Variants in MAP2K5 observed in about 807,000 individuals in gnomAD.
The protein encoded by MAP2K5 is mitogen-activated protein kinase kinase 5.
In MAP2K5, 49 loss-of-function variants were observed where a neutral mutation model predicts 83.1. That is an observed-to-expected ratio of 0.59 (90% CI 0.47 to 0.75). The LOEUF (loss-of-function observed/expected upper bound fraction) is 0.75, where lower values mean the gene tolerates loss of function less well. MAP2K5 is among the 30% of genes least tolerant of loss of function. The pLI is 0.00. For synonymous variants in MAP2K5, 202 were observed against 191.8 expected (o/e 1.05, Z -0.44); for missense variants, 457 against 557.5 (o/e 0.82, Z 1.82).
At chr15:67,739,242 T>C (rs1002332904) in intron 17 of MAP2K5, among the ~76,000 whole-genome samples, 7 of 144,974 alleles carry the variant, frequency 4.8e-5, no homozygotes, top group African/African-American at 1.8e-4. Flanking sequence ...ATCGTGCCAC[T>C]GCATTCCAGC....
intron 19 of MAP2K5, among the ~76,000 whole-genome samples, chr15:67,756,549 G>A (rs1325567869): frequency 1.4e-5 from 1 of 73,660 alleles, no homozygotes; most frequent in Non-Finnish European, 2.9e-5. Flanking sequence ...GTGTGTGTGT[G>A]TGTGTGTGTG....
At chr15:67,628,812 AT>A in intron 8 of MAP2K5, 1 of 750,434 alleles carries the variant, frequency 1.3e-6, no homozygotes, top group Non-Finnish European at 2.4e-6. Flanking sequence ...GGGAATGACA[AT>A]TTTGGTCATG....
At position 67,563,414 on chromosome 15, in the gene MAP2K5, T is replaced by C; in HGVS notation, c.252+64T>C. On this transcript the variant is annotated intron_variant, in intron 3 of 21. Coordinates refer to ENST00000178640, the MANE Select transcript of MAP2K5 (RefSeq NM_145160.3). This position sits in a 1 kb window ranked among gnomAD's most constrained non-coding sequence, Gnocchi z 4.5. ...TAACGTGATTGAGGATGCTGTTTCT[T>C]GGGCATAGTGAAGACGAGTAAATAA... The C allele has an allele frequency of 1.9e-6, 3 of 1,558,274 alleles. No homozygotes were observed. Among genetic ancestry groups the C allele is most frequent in the Non-Finnish European group, 2.6e-6 (3 of 1,153,208 alleles).
At position 67,646,489 on chromosome 15, in the gene MAP2K5, A is replaced by G; in HGVS notation, c.736+20A>G. On this transcript the variant is annotated intron_variant, in intron 11 of 21. Transcript: ENST00000178640. ...TGGATGGTGAGTTTTCCCTTTTATAATACTTTTAAAATGATTTTTAGAGTA... is the reference window on the plus strand; with the variant it reads ...TGGATGGTGAGTTTTCCCTTTTATAGTACTTTTAAAATGATTTTTAGAGTA... The G allele has an allele frequency of 2.8e-6, 4 of 1,413,880 alleles. No individual in the cohort carries two copies. The highest frequency in any genetic ancestry group is 3.9e-6 in the Non-Finnish European group (4 of 1,016,016). The allele number at this position is 1,413,880 out of a possible 1,614,324, so 87.6% of individuals were successfully genotyped here.
chr15:67,724,634 T>C lies in MAP2K5; in HGVS notation c.1045-3282T>C, dbSNP rs532916514. On this transcript the variant is annotated intron_variant, in intron 16 of 21. Transcript: ENST00000178640. This position sits in a 1 kb window ranked among gnomAD's most constrained non-coding sequence, Gnocchi z 4.4. ...CATTTTCTTTTTTACCTCCTCCCAA[T>C]AGAACTTGATAAAAAGAGTTCTAGA... 6.6e-6 allele frequency among the ~76,000 whole-genome samples: 1 copy of C among 152,312 alleles called. No homozygotes were observed. The highest frequency in any genetic ancestry group is 6.5e-5 in the Admixed American group (1 of 15,292).
Position 67,782,637 on chromosome 15 carries a change from T to A in MAP2K5, c.1242+9885T>A, listed in dbSNP as rs1313802776. Among the ~76,000 whole-genome samples, 1 of 152,244 alleles carries A rather than the reference T, an allele frequency of 6.6e-6. No individual in the cohort carries two copies. Among genetic ancestry groups the A allele is most frequent in the East Asian group, 1.9e-4 (1 of 5,202 alleles). ...ACGGGCTTGACAGGAATTTAAATTT[T>A]GTTTCAATCAACCCCTGTGCTCACA... On this transcript the variant is annotated intron_variant, in intron 21 of 21. Coordinates refer to ENST00000178640, the MANE Select transcript of MAP2K5 (RefSeq NM_145160.3). This position sits in a 1 kb window ranked among gnomAD's most constrained non-coding sequence, Gnocchi z 4.9.
intron 15 of MAP2K5, 110 bp from the exon 16 acceptor site, chr15:67,703,227 A>G (rs1181767675): frequency 1.8e-5 from 13 of 736,578 alleles, no homozygotes; most frequent in Non-Finnish European, 2.6e-5. Flanking sequence ...TCATCCGTAA[A>G]ATACTATGCA....
chr15:67,679,509 T>C (rs1219660096), intron 13 of MAP2K5, among the ~76,000 whole-genome samples: 1 of 152,184 alleles, frequency 6.6e-6, no homozygotes, highest in East Asian at 1.9e-4. Flanking sequence ...TTTATAGACA[T>C]AGCCTTACTC....
At chr15:67,549,831 C>T (rs535946839) in intron 1 of MAP2K5, among the ~76,000 whole-genome samples, 150 of 152,224 alleles carry the variant, frequency 9.9e-4, no homozygotes, top group African/African-American at 3.6e-3. Flanking sequence ...GAAAAGTTTC[C>T]TTAAATATTT....
rs2089639528 is a variant in MAP2K5, at chr15:67,747,959, A to C, written c.1075-272A>C. 6.6e-6 allele frequency among the ~76,000 whole-genome samples: 1 copy of C among 152,254 alleles called. No homozygotes were observed. The highest frequency in any genetic ancestry group is 6.5e-5 in the Admixed American group (1 of 15,280). ...AACATTATTTATATCTGAATCGTAA[A>C]CAGCCTTTTGAAATGGATTATGGTT... On this transcript the variant is annotated intron_variant, in intron 17 of 21. Coordinates refer to ENST00000178640, the MANE Select transcript of MAP2K5 (RefSeq NM_145160.3). This position sits in a 1 kb window ranked among gnomAD's most constrained non-coding sequence, Gnocchi z 4.1.
chr15:67,756,721 T>C (rs1270574128), intron 19 of MAP2K5, among the ~76,000 whole-genome samples: 1 of 152,178 alleles, frequency 6.6e-6, no homozygotes, highest in Non-Finnish European at 1.5e-5. Context: ...TGGTAACTAC[T>C]CTTCTACTTT....
At chr15:67,569,031 A>C (rs888198070) in intron 3 of MAP2K5, among the ~76,000 whole-genome samples, 25 of 151,500 alleles carry the variant, frequency 1.7e-4, no homozygotes, top group Non-Finnish European at 2.4e-4. Flanking sequence ...AAAAAAAAAA[A>C]ACAAAACTCT....
In MAP2K5 at chr15:67,555,978, G is replaced by T. The variant is rs918463663; in HGVS notation, c.184+5896G>T. ...TTTTTGTATTTTTAGTAGATACGGG[G>T]TTTCACCATGTTGACCAGACTGGTC... is the stretch of plus-strand genomic sequence containing the variant. On this transcript the variant is annotated intron_variant, in intron 2 of 21. Coordinates refer to ENST00000178640, the MANE Select transcript of MAP2K5 (RefSeq NM_145160.3). This position sits in a 1 kb window ranked among gnomAD's most constrained non-coding sequence, Gnocchi z 5.2. Among the ~76,000 whole-genome samples, 11 of 152,046 alleles carry T rather than the reference G, an allele frequency of 7.2e-5. No homozygotes were observed. The highest frequency in any genetic ancestry group is 2.7e-4 in the African/African-American group (11 of 41,470).
In MAP2K5 at chr15:67,786,153, G is replaced by T. The variant is rs1038192398; in HGVS notation, c.1242+13401G>T. On this transcript the variant is annotated intron_variant, in intron 21 of 21. Transcript: ENST00000178640. The surrounding 1 kb of genome is among the most constrained non-coding windows in gnomAD (Gnocchi z 4.7). ...TTTCTCATCTGTCTGATGTTCCTGG[G>T]TATTTCCAGCTTGTTGCCTCTTGGA... 6.6e-6 allele frequency among the ~76,000 whole-genome samples: 1 copy of T among 152,100 alleles called. No individual in the cohort carries two copies. Among genetic ancestry groups the T allele is most frequent in the Non-Finnish European group, 1.5e-5 (1 of 68,018 alleles).
rs144202706 is a variant in MAP2K5 at position 67,651,718 on chromosome 15, A to C, written c.736+5249A>C. On this transcript the variant is annotated intron_variant, in intron 11 of 21. Transcript: ENST00000178640. Reference sequence around the variant, plus strand: ...TCTTTTTATGGCTGAATAATATTTCATTGTGTTTATGTACCACATTTTCTT... The same window carrying C: ...TCTTTTTATGGCTGAATAATATTTCCTTGTGTTTATGTACCACATTTTCTT... Among the ~76,000 whole-genome samples, 374 of 152,280 alleles carry C rather than the reference A, an allele frequency of 2.5e-3. 1 individual carries two copies. The highest frequency in any genetic ancestry group is 4.6e-3 in the Non-Finnish European group (316 of 68,010).
At chr15:67,581,202 G>A (rs964361331) in intron 4 of MAP2K5, among the ~76,000 whole-genome samples, 1 of 152,188 alleles carries the variant, frequency 6.6e-6, no homozygotes, top group Non-Finnish European at 1.5e-5. Context: ...CTTTCAGTTA[G>A]CACAGAAGCG....
intron 9 of MAP2K5, chr15:67,641,449 G>C (rs202238954): frequency 8.8e-5 from 88 of 998,262 alleles, no homozygotes; most frequent in Non-Finnish European, 1.0e-4. Context: ...CTTTAGTGAA[G>C]TGTGTGCCAC....
chr15:67,544,555 G>A (rs1473960343), intron 1 of MAP2K5, among the ~76,000 whole-genome samples: 1 of 151,902 alleles, frequency 6.6e-6, no homozygotes, highest in Non-Finnish European at 1.5e-5. Flanking sequence ...GACTTAGTAG[G>A]TTTCTTTCCC....
Position 67,563,772 on chromosome 15 carries a change from G to A in MAP2K5, c.252+422G>A, listed in dbSNP as rs1157694706. On this transcript the variant is annotated intron_variant, in intron 3 of 21. Transcript: ENST00000178640. This position sits in a 1 kb window ranked among gnomAD's most constrained non-coding sequence, Gnocchi z 4.5. ...AGCTGCAGGCTTAATATGGATACAC[G>A]ATTTAAAGATGTACTGTTGGTTATT... Among the ~76,000 whole-genome samples, 2 of 151,992 alleles carry A rather than the reference G, an allele frequency of 1.3e-5. No homozygotes were observed. The highest frequency in any genetic ancestry group is 2.9e-5 in the Non-Finnish European group (2 of 67,990).
Sources: gnomAD v4.1 joint callset for allele counts (sites outside exome capture counted in the v4.1 genomes callset) on GRCh38, gnomAD v4.1.1 for gene constraint, Gnocchi (gnomAD v3.1) non-coding constraint, MANE v1.5 for transcripts, NCBI Gene and HGNC (gene_info 2026-07-23, HGNC 2026-07-21) for gene names.